The following GPC6 variants were observed in gnomAD, a reference collection of about 807,000 sequenced individuals.
GPC6 encodes the protein glypican 6, also known as glypican-6.
Under a neutral mutation model 55.2 loss-of-function variants are expected in GPC6, and 14 were observed. The observed-to-expected ratio is 0.25, with a 90% CI of 0.17 to 0.40. The LOEUF is 0.40. Ranked by LOEUF, GPC6 falls within the 10% of genes least tolerant of loss-of-function variation. The pLI, the probability that GPC6 is intolerant of heterozygous loss-of-function variation, is 1.00. For synonymous variants in GPC6, 278 were observed against 259.6 expected, an observed-to-expected ratio of 1.07 and a Z score of -0.68; for missense variants, 641 against 708.5, an observed-to-expected ratio of 0.90 and a Z score of 1.08.
chr13:93,218,848 G>A, the GPC6 span, among the ~76,000 whole-genome samples: 1 of 152,084 alleles, frequency 6.6e-6, no homozygotes, highest in South Asian at 2.1e-4. Flanking sequence ...AATCATGAAG[G>A]GGAATGGTTG....
upstream of GPC6, among the ~76,000 whole-genome samples, chr13:93,222,477 A>G (rs1286708515): frequency 1.3e-5 from 2 of 152,108 alleles, no homozygotes; most frequent in Non-Finnish European, 2.9e-5. Flanking sequence ...CACCTACTTC[A>G]CACACGATTC....
intron 1 of GPC6, among the ~76,000 whole-genome samples, chr13:93,238,722 G>A (rs191476697): frequency 1.3e-5 from 2 of 151,816 alleles, no homozygotes; most frequent in African/African-American, 4.8e-5. Flanking sequence ...GTTCACTGTG[G>A]GTGTGTCATA....
At chr13:93,819,996 T>C (rs1886987333) in intron 2 of GPC6, among the ~76,000 whole-genome samples, 1 of 152,206 alleles carries the variant, frequency 6.6e-6, no homozygotes, top group Non-Finnish European at 1.5e-5. Context: ...ACCAATTACA[T>C]AGTGCTGCTT....
intron 1 of GPC6, among the ~76,000 whole-genome samples, chr13:93,465,633 T>G (rs542233868): frequency 1.3e-5 from 2 of 152,364 alleles, no homozygotes; most frequent in African/African-American, 4.8e-5. Flanking sequence ...TTTGATCTTC[T>G]ATGTAGAGCA....
At chr13:93,967,845 G>A (rs181160557) in intron 3 of GPC6, among the ~76,000 whole-genome samples, 8 of 151,940 alleles carry the variant, frequency 5.3e-5, no homozygotes, top group Non-Finnish European at 7.4e-5. Context: ...ATAGATATCA[G>A]AACTTATTAC....
chr13:94,098,924 C>A (rs1331237973), intron 4 of GPC6, among the ~76,000 whole-genome samples: 1 of 152,046 alleles, frequency 6.6e-6, no homozygotes, highest in Admixed American at 6.6e-5. Context: ...TGGGGCTACA[C>A]CCATAGAAAT....
intron 2 of GPC6, among the ~76,000 whole-genome samples, chr13:93,735,263 G>A (rs1347283416): frequency 6.6e-6 from 1 of 152,160 alleles, no homozygotes; most frequent in Non-Finnish European, 1.5e-5. Flanking sequence ...GGTTGGGTGT[G>A]GTGGCTCAAA....
intron 6 of GPC6, among the ~76,000 whole-genome samples, chr13:94,341,455 G>C (rs192813322): frequency 1.3e-5 from 2 of 151,916 alleles, no homozygotes; most frequent in African/African-American, 4.8e-5. Context: ...ATGTGGTGGC[G>C]TGCACCTGTA....
intron 3 of GPC6, among the ~76,000 whole-genome samples, chr13:93,966,392 T>C (rs1019089800): frequency 6.6e-6 from 1 of 152,154 alleles, no homozygotes; most frequent in African/African-American, 2.4e-5. Flanking sequence ...CTTTACAGGG[T>C]AGACTTTTCT....
intron 3 of GPC6, among the ~76,000 whole-genome samples, chr13:93,995,203 T>A (rs554026577): frequency 1.8e-4 from 26 of 144,116 alleles, no homozygotes; most frequent in African/African-American, 6.2e-4. Context: ...ATTTTATTTT[T>A]TTGAGACTGA....
intron 4 of GPC6, among the ~76,000 whole-genome samples, chr13:94,076,643 G>C (rs1884924462): frequency 6.6e-6 from 1 of 151,648 alleles, no homozygotes; most frequent in Non-Finnish European, 1.5e-5. Context: ...ATCAATTTTG[G>C]GTGGGATTTT....
intron 1 of GPC6, among the ~76,000 whole-genome samples, chr13:93,472,497 C>T (rs1879155962): frequency 6.6e-6 from 1 of 152,192 alleles, no homozygotes; most frequent in Admixed American, 6.5e-5. Flanking sequence ...GGCGCCGGCT[C>T]TCCAAGAGGC....
intron 4 of GPC6, among the ~76,000 whole-genome samples, chr13:94,259,088 C>T (rs570957852): frequency 1.3e-5 from 2 of 151,608 alleles, no homozygotes; most frequent in South Asian, 4.2e-4. Flanking sequence ...GCCCCTAGCA[C>T]ACTGGAAACG....
chr13:93,528,504 A>G (rs1333841112), intron 1 of GPC6, among the ~76,000 whole-genome samples: 1 of 152,190 alleles, frequency 6.6e-6, no homozygotes, highest in Non-Finnish European at 1.5e-5. Context: ...TTTGGCAAGC[A>G]GTGTTGAAGC....
intron 6 of GPC6, among the ~76,000 whole-genome samples, chr13:94,316,716 C>CAAA (rs56304226): frequency 9.5e-6 from 1 of 105,070 alleles, no homozygotes; most frequent in African/African-American, 3.4e-5. Context: ...GACTCCGTCT[C>CAAA]AAAAAAAAAA....
intron 3 of GPC6, among the ~76,000 whole-genome samples, chr13:93,900,845 A>G (rs1876307322): frequency 3.3e-5 from 5 of 152,206 alleles, no homozygotes. Flanking sequence ...GCTGGATTGC[A>G]GTTAGCAAAG....
At chr13:93,706,220 G>A (rs1490807289) in intron 2 of GPC6, among the ~76,000 whole-genome samples, 3 of 151,788 alleles carry the variant, frequency 2.0e-5, no homozygotes, top group Admixed American at 6.6e-5. Context: ...ATTCAAAAAT[G>A]CAATTATTAG....
intron 1 of GPC6, among the ~76,000 whole-genome samples, chr13:93,442,479 A>T (rs1877842138): frequency 6.6e-6 from 1 of 152,166 alleles, no homozygotes; most frequent in Admixed American, 6.6e-5. Context: ...TACTATATAC[A>T]ATTTTATATC....
At chr13:94,298,457 A>G (rs116725398) in intron 5 of GPC6, among the ~76,000 whole-genome samples, 3,258 of 152,276 alleles carry the variant, frequency 0.021, 49 homozygotes, top group African/African-American at 0.034. Context: ...TATCATTTTG[A>G]CAGATTGGTG....
Sources: gnomAD v4.1 joint callset for allele counts (sites outside exome capture counted in the v4.1 genomes callset) on GRCh38, gnomAD v4.1.1 for gene constraint, MANE v1.5 for transcripts, NCBI Gene and HGNC (gene_info 2026-07-23, HGNC 2026-07-21) for gene names.